OPCML: variants seen among roughly 807,000 people sequenced by gnomAD.
The protein encoded by OPCML is opioid-binding protein/cell adhesion molecule.
OPCML carries 13 observed loss-of-function variants against 37.8 expected under a neutral mutation model. The ratio of observed to expected loss-of-function variants is 0.34; its 90% CI spans 0.22 to 0.55. OPCML has a LOEUF of 0.55. Ranked by LOEUF, OPCML falls within the 20% of genes least tolerant of loss-of-function variation. The pLI is 0.91. For missense variants in OPCML, 341 were observed against 435.6 expected, an observed-to-expected ratio of 0.78 and a Z score of 1.93; for synonymous variants, 176 against 168.8, an observed-to-expected ratio of 1.04 and a Z score of -0.33.
chr11:132,512,258 A>G (rs765424456), intron 4 of OPCML, among the ~76,000 whole-genome samples: 2 of 152,118 alleles, frequency 1.3e-5, no homozygotes, highest in Non-Finnish European at 2.9e-5. Flanking sequence ...GCTTATAGGA[A>G]TACAAATTGG....
rs542835799 is a variant in OPCML at position 133,403,134 on chromosome 11, G to A, written c.61+129130C>T. Among the ~76,000 whole-genome samples the A allele has an allele frequency of 3.9e-5, 6 of 152,218 alleles. No homozygotes were observed. In the South Asian group the frequency reaches 1.2e-3, roughly 32 times the overall value. On this transcript the variant is annotated intron_variant, in intron 1 of 7. Transcript: ENST00000524381. ...ATTAGATTACTTAAGTACAAATCTGGGTCTCTACCACTTACTGTGTGACCT... is the reference window on the plus strand; with the variant it reads ...ATTAGATTACTTAAGTACAAATCTGAGTCTCTACCACTTACTGTGTGACCT...
intron 2 of OPCML, among the ~76,000 whole-genome samples, chr11:132,892,660 G>A (rs1056062767): frequency 1.6e-4 from 24 of 152,210 alleles, no homozygotes; most frequent in Admixed American, 8.5e-4. Flanking sequence ...CCAGCTACTC[G>A]GGAGGCTGAG....
At chr11:133,063,770 C>T (rs1301125003) in intron 1 of OPCML, among the ~76,000 whole-genome samples, 1 of 152,166 alleles carries the variant, frequency 6.6e-6, no homozygotes, top group Non-Finnish European at 1.5e-5. Context: ...CCATGTTAGC[C>T]AGGCTGGTCT....
intron 1 of OPCML, among the ~76,000 whole-genome samples, chr11:133,196,561 G>A (rs147577959): frequency 6.6e-6 from 1 of 152,166 alleles, no homozygotes; most frequent in African/African-American, 2.4e-5. Flanking sequence ...ACTCTGAAAT[G>A]TAAAAATACT....
At chr11:132,584,366 T>G (rs1341634665) in intron 3 of OPCML, among the ~76,000 whole-genome samples, 1 of 152,202 alleles carries the variant, frequency 6.6e-6, no homozygotes, top group Non-Finnish European at 1.5e-5. Context: ...TTCACAATCC[T>G]ATCCTCTTAA....
chr11:132,420,629 G>A (rs1320029990), intron 7 of OPCML, among the ~76,000 whole-genome samples: 2 of 152,222 alleles, frequency 1.3e-5, no homozygotes, highest in Non-Finnish European at 2.9e-5. Flanking sequence ...GCCTCTAACT[G>A]TGTGCTATAC....
At chr11:132,603,363 G>T (rs2137793377) in intron 3 of OPCML, among the ~76,000 whole-genome samples, 1 of 152,304 alleles carries the variant, frequency 6.6e-6, no homozygotes, top group South Asian at 2.1e-4. Flanking sequence ...GCAGGCCTAT[G>T]TATATCTTCT....
intron 2 of OPCML, among the ~76,000 whole-genome samples, chr11:132,783,336 G>C (rs993011670): frequency 6.6e-6 from 1 of 151,758 alleles, no homozygotes; most frequent in Admixed American, 6.6e-5. Flanking sequence ...TCCAATACAT[G>C]AGACCTTTTG....
chr11:133,006,794 C>T, intron 1 of OPCML: 3 of 985,420 alleles, frequency 3.0e-6, no homozygotes, highest in Non-Finnish European at 3.6e-6. Flanking sequence ...GCAGGTCCTG[C>T]CTTCCACTCT....
chr11:133,076,259 C>T (rs147635715), intron 1 of OPCML, among the ~76,000 whole-genome samples: 226 of 152,194 alleles, frequency 1.5e-3, no homozygotes, highest in African/African-American at 5.2e-3. Context: ...CTGTCTAATT[C>T]TATATTAACT....
intron 1 of OPCML, among the ~76,000 whole-genome samples, chr11:133,326,885 AGTGAGGGAGGTGTGG>A (rs1470029997): frequency 1.1e-5 from 1 of 92,800 alleles, no homozygotes; most frequent in Non-Finnish European, 2.1e-5. Context: ...GGGGTGTATA[AGTGAGGGAGGTGTGG>A]GTGAGGGTGT....
intron 1 of OPCML, among the ~76,000 whole-genome samples, chr11:133,126,640 T>C (rs1949520139): frequency 1.3e-5 from 2 of 152,168 alleles, no homozygotes; most frequent in Admixed American, 6.5e-5. Flanking sequence ...TAAGTCTCTT[T>C]TGACTCCTTC....
chr11:132,739,251 A>C (rs1945361341), intron 2 of OPCML, among the ~76,000 whole-genome samples: 1 of 152,214 alleles, frequency 6.6e-6, no homozygotes, highest in Non-Finnish European at 1.5e-5. Context: ...GATGTTATAG[A>C]AGCTCAAGTC....
At chr11:133,115,066 C>T (rs868538236) in intron 1 of OPCML, among the ~76,000 whole-genome samples, 35 of 152,174 alleles carry the variant, frequency 2.3e-4, no homozygotes, top group Admixed American at 9.8e-4. Flanking sequence ...TTATTTGTAC[C>T]ATTGAGTGGG....
chr11:132,639,267 C>T (rs764759519), intron 3 of OPCML, among the ~76,000 whole-genome samples: 16 of 152,158 alleles, frequency 1.1e-4, no homozygotes, highest in Non-Finnish European at 2.4e-4. Context: ...GCTTAGGTGC[C>T]TAGAAAACAG....
At chr11:132,441,404 G>C (rs10894562) in intron 4 of OPCML, among the ~76,000 whole-genome samples, 40,512 of 151,058 alleles carry the variant, frequency 0.27, 5,688 homozygotes, top group Non-Finnish European at 0.31. Flanking sequence ...TCCTGACCTC[G>C]TGATCCGCCC....
intron 7 of OPCML, chr11:132,435,081 C>T (rs1592168444): frequency 1.1e-5 from 9 of 794,790 alleles, no homozygotes; most frequent in Middle Eastern, 2.7e-4. Flanking sequence ...GCAGGCAAGC[C>T]TATCTTTGAA....
At chr11:132,682,677 G>A (rs1176381298) in intron 2 of OPCML, among the ~76,000 whole-genome samples, 2 of 152,308 alleles carry the variant, frequency 1.3e-5, no homozygotes, top group East Asian at 1.9e-4. Context: ...GGGAGAGAAT[G>A]GAGCAACCAG....
chr11:132,763,987 ACCAGGGCTCCCTCTAGG>A (rs1435578896), intron 2 of OPCML, among the ~76,000 whole-genome samples: 2 of 152,206 alleles, frequency 1.3e-5, no homozygotes, highest in Non-Finnish European at 2.9e-5. Flanking sequence ...CCTGACGACT[ACCAGGGCTCCCTCTAGG>A]CCTCAAAGGC....
Sources: allele counts gnomAD v4.1 joint callset (sites outside exome capture counted in the v4.1 genomes callset), GRCh38; gene constraint gnomAD v4.1.1; transcripts MANE v1.5; gene names NCBI Gene and HGNC (gene_info 2026-07-23, HGNC 2026-07-21).